The following ATF7IP variants were observed in gnomAD, a reference collection of about 807,000 sequenced individuals.
ATF7IP encodes activating transcription factor 7-interacting protein 1.
ATF7IP carries 23 observed loss-of-function variants against 106.4 expected under a neutral mutation model. The ratio of observed to expected loss-of-function variants is 0.22; its 90% CI spans 0.16 to 0.31. The LOEUF is 0.31. Ranked by LOEUF, ATF7IP falls within the 10% of genes least tolerant of loss-of-function variation. The pLI, the probability that ATF7IP is intolerant of heterozygous loss-of-function variation, is 1.00. For synonymous variants in ATF7IP, 542 were observed against 539.0 expected (o/e 1.01, Z -0.08); for missense variants, 1,334 against 1,524.3 (o/e 0.88, Z 2.08).
chr12:14,493,412 G>GT (rs1366219248), intron 13 of ATF7IP, among the ~76,000 whole-genome samples: 13 of 152,158 alleles, frequency 8.5e-5, no homozygotes, highest in Admixed American at 8.5e-4. Context: ...GAGGTGTTTG[G>GT]AGTGGCTCCT....
chr12:14,424,739 C>A lies in ATF7IP; in HGVS notation c.824C>A (p.Ala275Asp), dbSNP rs1271745161. ...ASDDLATGEL[A>D]SDELTSESTF... is the part of the protein sequence containing the mutation. ...GATGATCTGGCCACTGGTGAACTGG[C>A]CTCTGATGAGCTGACTTCTGAATCA... The change falls in exon 2 of 15, where the codon GCC becomes GAC. Residue 275 changes from alanine (A) to aspartate (D), a missense_variant. Around this residue, in one of 10 missense-constraint regions of ATF7IP, gnomAD observed 438 missense variants for 405.3 expected, o/e 1.08. Coordinates refer to ENST00000261168, the MANE Select transcript of ATF7IP (RefSeq NM_018179.5). 6.2e-7 allele frequency: 1 copy of A among 1,614,006 alleles called. No homozygotes were observed. The highest frequency in any genetic ancestry group is 8.5e-7 in the Non-Finnish European group (1 of 1,180,022).
intron 5 of ATF7IP, among the ~76,000 whole-genome samples, chr12:14,444,423 G>C (rs1942854602): frequency 6.6e-6 from 1 of 151,978 alleles, no homozygotes; most frequent in African/African-American, 2.4e-5. Flanking sequence ...AGGTTTCCTG[G>C]GTACATATGC....
At chr12:14,462,392 A>G (rs1943676764) in intron 9 of ATF7IP, among the ~76,000 whole-genome samples, 1 of 151,892 alleles carries the variant, frequency 6.6e-6, no homozygotes, top group Non-Finnish European at 1.5e-5. Flanking sequence ...AGTTCTTAGT[A>G]TTTTTTAATG....
In ATF7IP at chr12:14,425,099, G is replaced by T. The variant is rs937317871; in HGVS notation, c.1184G>T (p.Gly395Val). The T allele has an allele frequency of 5.7e-6, 9 of 1,589,358 alleles. No individual in the cohort carries two copies. In the African/African-American group the frequency reaches 9.6e-5, roughly 17 times the overall value. Residue 395 changes from glycine to valine, a missense_variant, in exon 2 of 15, where the codon GGT (glycine) becomes GTT (valine). This residue lies in a region of ATF7IP where 438 missense variants were observed against 405.3 expected (regional missense o/e 1.08). Coordinates refer to ENST00000261168, the MANE Select transcript of ATF7IP (RefSeq NM_018179.5). ...TCTAGCAGTATGGAAATTGACCAAG[G>T]TGAAAAGAATGAAGATGAAACTTCT... ...AISSSMEIDQ[G>V]EKNEDETSAD...
In ATF7IP at chr12:14,460,797, A is replaced by G. The variant is rs764053499; in HGVS notation, c.2461A>G (p.Ser821Gly). 2 of 1,614,078 alleles carry G rather than the reference A, an allele frequency of 1.2e-6. No individual in the cohort carries two copies. Among genetic ancestry groups the G allele is most frequent in the African/African-American group, 2.7e-5 (2 of 74,930 alleles). Residue 821 changes from serine (S) to glycine (G), a missense_variant, in exon 9 of 15, where the codon AGC becomes GGC. Physicochemically the swap from Ser to Gly is moderately conservative, Grantham distance 56. Transcript: ENST00000261168. ...SGNVEFISVQSPPTVSGLTKN... is the reference protein window; with the variant it reads ...SGNVEFISVQGPPTVSGLTKN... ...CAATGTTGAATTCATTTCTGTGCAA[A>G]GCCCACCTACAGTGAGTGGTCTTAC...
Position 14,425,125 on chromosome 12 carries a change from G to T in ATF7IP, c.1210G>T (p.Ala404Ser). 1.3e-6 allele frequency: 2 copies of T among 1,589,340 alleles called. No individual in the cohort carries two copies. The highest frequency in any genetic ancestry group is 1.7e-6 in the Non-Finnish European group (2 of 1,173,242). ...QGEKNEDETS[A>S]DLVETINENV... ...TGAAAAGAATGAAGATGAAACTTCT[G>T]CAGATCTTGTAGAAACGATTAATGA... Residue 404 changes from alanine (A) to serine (S), a missense_variant, in exon 2 of 15, where the codon GCA (alanine) becomes TCA (serine). Physicochemically the swap from Ala to Ser is moderately conservative, Grantham distance 99. Transcript: ENST00000261168.
Position 14,434,428 on chromosome 12 carries a change from G to A in ATF7IP, c.1645+5G>A, listed in dbSNP as rs1377255040. ...ATGAAAGACCTTCTGAGAAAAGTAT[G>A]CATGTATAAACAAACTTGAACTGGA... On this transcript the variant is annotated splice_donor_5th_base_variant and intron_variant, in intron 3 of 14. Transcript: ENST00000261168. The A allele has an allele frequency of 6.8e-7, 1 of 1,477,900 alleles. No homozygotes were observed. Among genetic ancestry groups the A allele is most frequent in the Admixed American group, 1.7e-5 (1 of 57,682 alleles). The allele number at this position is 1,477,900 out of a possible 1,614,324, so 91.5% of individuals were successfully genotyped here. A position where few individuals can be genotyped will look rare whatever the true frequency, so the allele number is the denominator to read the frequency against.
At chr12:14,375,408 C>T (rs1938698549) in intron 1 of ATF7IP, among the ~76,000 whole-genome samples, 1 of 151,832 alleles carries the variant, frequency 6.6e-6, no homozygotes, top group African/African-American at 2.4e-5. Flanking sequence ...CTGTGAAGAA[C>T]CTACGTATGT....
intron 1 of ATF7IP, among the ~76,000 whole-genome samples, chr12:14,392,534 A>G (rs12818060): frequency 0.02 from 3,093 of 152,314 alleles, 33 homozygotes; most frequent in Middle Eastern, 0.031. Flanking sequence ...TTATGCACCT[A>G]TTATTTGCCA....
intron 13 of ATF7IP, among the ~76,000 whole-genome samples, chr12:14,494,932 CAAAAAAA>C (rs34929652): frequency 1.3e-5 from 1 of 79,142 alleles, no homozygotes; most frequent in Non-Finnish European, 2.4e-5. Context: ...GACTCTGTCT[CAAAAAAA>C]AAAAAAAAAA....
intron 1 of ATF7IP, among the ~76,000 whole-genome samples, chr12:14,403,838 G>C (rs1007920438): frequency 6.6e-6 from 1 of 151,920 alleles, no homozygotes; most frequent in Non-Finnish European, 1.5e-5. Flanking sequence ...ATTTTCATGT[G>C]GCAGAGAGCC....
At chr12:14,445,243 C>T (rs1942899480) in intron 5 of ATF7IP, among the ~76,000 whole-genome samples, 1 of 152,072 alleles carries the variant, frequency 6.6e-6, no homozygotes, top group Non-Finnish European at 1.5e-5. Context: ...CCTGTCTCAG[C>T]CTCCCAAAGT....
At chr12:14,484,091 C>T (rs113594866) in intron 13 of ATF7IP, among the ~76,000 whole-genome samples, 3,183 of 152,204 alleles carry the variant, frequency 0.021, 104 homozygotes, top group African/African-American at 0.071. Flanking sequence ...ACCTGCCACC[C>T]GGTAGCTAGC....
intron 1 of ATF7IP, among the ~76,000 whole-genome samples, chr12:14,370,538 T>C (rs1448281378): frequency 2.6e-5 from 4 of 152,198 alleles, no homozygotes; most frequent in Non-Finnish European, 5.9e-5. Flanking sequence ...AAAAGCCAGC[T>C]AATGGTTTTG....
intron 5 of ATF7IP, among the ~76,000 whole-genome samples, chr12:14,441,334 G>T (rs1171201836): frequency 6.6e-6 from 1 of 152,106 alleles, no homozygotes; most frequent in Non-Finnish European, 1.5e-5. Flanking sequence ...AATGATAAAT[G>T]ATGTTGATCA....
chr12:14,413,788 G>A (rs1232788060), intron 1 of ATF7IP, among the ~76,000 whole-genome samples: 1 of 151,806 alleles, frequency 6.6e-6, no homozygotes, highest in African/African-American at 2.4e-5. Flanking sequence ...TTTTCAAGGT[G>A]TTAATAAAAG....
chr12:14,427,930 C>T, intron 2 of ATF7IP, among the ~76,000 whole-genome samples: 1 of 152,056 alleles, frequency 6.6e-6, no homozygotes, highest in Non-Finnish European at 1.5e-5. Context: ...GTAAGAGAAG[C>T]ATATCATGGA....
chr12:14,466,711 CATT>C (rs763455094), intron 10 of ATF7IP, 121 bp downstream of exon 10: 6 of 741,824 alleles, frequency 8.1e-6, no homozygotes, highest in Non-Finnish European at 1.3e-5. Context: ...ACTATCCAAA[CATT>C]GTCTCACAGC....
intron 10 of ATF7IP, among the ~76,000 whole-genome samples, chr12:14,471,138 A>T (rs1395629434): frequency 6.6e-6 from 1 of 152,194 alleles, no homozygotes; most frequent in African/African-American, 2.4e-5. Context: ...GGATTTAGAA[A>T]ATATCCTCTG....
Sources: allele counts gnomAD v4.1 joint callset (sites outside exome capture counted in the v4.1 genomes callset), GRCh38; gene constraint gnomAD v4.1.1; regional missense constraint gnomAD v4.1.1; transcripts MANE v1.5; gene names NCBI Gene and HGNC (gene_info 2026-07-23, HGNC 2026-07-21).